Variants in CPSF1 observed in about 807,000 individuals in gnomAD.
The protein encoded by CPSF1 is cleavage and polyadenylation specific factor 1.
CPSF1 carries 106 observed loss-of-function variants against 175.8 expected under a neutral mutation model. That is an observed-to-expected ratio of 0.60 (90% confidence interval 0.52 to 0.71). The LOEUF is 0.71. Among genes scored for constraint, CPSF1 ranks in the 30% least tolerant of loss-of-function variants. The pLI is 0.00. For synonymous variants in CPSF1, 1,024 were observed against 858.3 expected (o/e 1.19, Z -3.37); for missense variants, 1,734 against 2,022.9 (o/e 0.86, Z 2.74).
intron 23 of CPSF1, 71 bp downstream of exon 23, chr8:144,397,136 G>C: frequency 2.1e-6 from 3 of 1,406,780 alleles, no homozygotes; most frequent in Non-Finnish European, 2.9e-6. Context: ...CACGGGAAGG[G>C]GCGGGGCTGT....
rs781982896 is a variant in CPSF1, at chr8:144,393,947, C to G, written c.3951G>C (p.Arg1317=). 3 of 1,613,556 alleles carry G rather than the reference C, an allele frequency of 1.9e-6. No homozygotes were observed. Among genetic ancestry groups the G allele is most frequent in the Non-Finnish European group, 2.5e-6 (3 of 1,179,900 alleles). Residue 1317 remains arginine (R), a synonymous_variant, in exon 35 of 38, where the codon CGG becomes CGC. Coordinates refer to ENST00000616140, the MANE Select transcript of CPSF1 (RefSeq NM_013291.3). ...HVNTFWRTPC[R]GATEGLSKKS... Reference sequence around the variant, plus strand: ...TTTTGCTGAGCCCTTCAGTGGCCCCCCGGCACGGGGTCCTCCAGAACGTGT... The same window carrying G: ...TTTTGCTGAGCCCTTCAGTGGCCCCGCGGCACGGGGTCCTCCAGAACGTGT...
At chr8:144,400,135 G>GGGGGGCCCCCCCCCC in intron 9 of CPSF1, 31 bp downstream of exon 9, 5 of 896,008 alleles carry the variant, frequency 5.6e-6, no homozygotes, top group Non-Finnish European at 8.0e-6. Flanking sequence ...CCGTCCCCGG[G>GGGGGGCCCCCCCCCC]CCCCCCCCGC....
At chr8:144,396,150 G>A in intron 26 of CPSF1, 198 bp downstream of exon 26, 2 of 619,970 alleles carry the variant, frequency 3.2e-6, no homozygotes. Flanking sequence ...TGCAGCCCCA[G>A]CTCCCAACCA....
Position 144,400,360 on chromosome 8 carries a change from GCTTGGGCA to G in CPSF1, c.812_819del (p.Val271AlafsTer90), listed in dbSNP as rs1312094421. The G allele has an allele frequency of 6.2e-7, 1 of 1,613,808 alleles. No individual in the cohort carries two copies. Among genetic ancestry groups the G allele is most frequent in the Non-Finnish European group, 8.5e-7 (1 of 1,179,976 alleles). ...CCACTCCCAGGACACACACCTATGG[GCTTGGGCA>G]CAGCCAGAGCCTGGGTGCAGTCAAA... On this transcript the variant is annotated frameshift_variant, in exon 8 of 38. Transcript: ENST00000616140. LOFTEE classifies it high-confidence loss of function.
chr8:144,394,457 G>A lies in CPSF1; in HGVS notation c.3666C>T (p.Ile1222=), dbSNP rs781944369. ...TGCTCTTCATGACGTCGGCTGCCAG[G>A]ATGAAGTTCTTGACGCTGATCATCT... The part of the protein sequence containing the change: ...IHQMISVKNF[I]LAADVMKSIS... Residue 1222 remains isoleucine, a synonymous_variant, in exon 32 of 38, where the codon ATC becomes ATT. Coordinates refer to ENST00000616140, the MANE Select transcript of CPSF1 (RefSeq NM_013291.3). 1.9e-6 allele frequency: 3 copies of A among 1,608,772 alleles called. No individual in the cohort carries two copies. Among genetic ancestry groups the A allele is most frequent in the Admixed American group, 3.4e-5 (2 of 59,216 alleles).
intron 2 of CPSF1, among the ~76,000 whole-genome samples, chr8:144,406,670 A>G (rs954415542): frequency 6.6e-6 from 1 of 152,170 alleles, no homozygotes; most frequent in Admixed American, 6.5e-5. Flanking sequence ...CCTGCTCTGC[A>G]CTGCTGCCTG....
chr8:144,394,091 AG>A, intron 34 of CPSF1, 21 bp downstream of exon 34: 2 of 1,611,634 alleles, frequency 1.2e-6, no homozygotes, highest in Admixed American at 1.7e-5. Context: ...GCCCAGGCAG[AG>A]GGGGTGGAGG....
chr8:144,397,879 G>A lies in CPSF1; in HGVS notation c.2074C>T (p.Gln692Ter). Reference protein sequence around the residue: ...LALHKPPLHHQSKVITLCLYR... With the variant: ...LALHKPPLHH ...AGGCACAGCGTAATCACCTTGGACT[G>A]CTGCGGGGAGAGGGGTGGGCTCAGC... The change falls in exon 21 of 38, where the codon CAG becomes TAG. Residue 692 changes from glutamine (Q) to a stop codon, truncating the protein, a stop_gained and splice_region_variant. Coordinates refer to ENST00000616140, the MANE Select transcript of CPSF1 (RefSeq NM_013291.3). LOFTEE classifies it high-confidence loss of function. 1 of 1,605,456 alleles carries A rather than the reference G, an allele frequency of 6.2e-7. No homozygotes were observed. The highest frequency in any genetic ancestry group is 1.1e-5 in the South Asian group (1 of 90,988).
At chr8:144,400,135 G>GGGGGCCCCCCCCCCCCCCCCCCC in intron 9 of CPSF1, 31 bp downstream of exon 9, 30 of 895,970 alleles carry the variant, frequency 3.3e-5, no homozygotes, top group South Asian at 6.5e-5. Context: ...CCGTCCCCGG[G>GGGGGCCCCCCCCCCCCCCCCCCC]CCCCCCCCGC....
rs782682074 is a variant in CPSF1 at position 144,393,668 on chromosome 8, G to A, written c.4144C>T (p.Arg1382Trp). The change falls in exon 36 of 38, where the codon CGG (arginine) becomes TGG (tryptophan). Residue 1382 changes from arginine (R) to tryptophan (W), a missense_variant and splice_region_variant. This residue lies in a region of CPSF1 where 323 missense variants were observed against 338.5 expected (regional missense o/e 0.95). Coordinates refer to ENST00000616140, the MANE Select transcript of CPSF1 (RefSeq NM_013291.3). ...CACGGGGGCGGGGCCGGGGCTCACC[G>A]GAAGGCGCGGGGGTTGAGGCCGGCG... ...HHAGLNPRAF[R>W]MLHVDRRTLQ... 5.0e-5 allele frequency: 78 copies of A among 1,563,726 alleles called. No individual in the cohort carries two copies. The highest frequency in any genetic ancestry group is 5.9e-5 in the Non-Finnish European group (68 of 1,161,480).
intron 2 of CPSF1, among the ~76,000 whole-genome samples, chr8:144,402,318 T>C (rs1821261246): frequency 6.6e-6 from 1 of 152,192 alleles, no homozygotes; most frequent in South Asian, 2.1e-4. Context: ...TTTTTGTTTT[T>C]TGTTTTTGAG....
chr8:144,402,325 T>A (rs1821261724), intron 2 of CPSF1, among the ~76,000 whole-genome samples: 1 of 152,166 alleles, frequency 6.6e-6, no homozygotes. Flanking sequence ...TTTTTGTTTT[T>A]GAGACGGAGT....
Position 144,397,525 on chromosome 8 carries a change from G to A in CPSF1, c.2347C>T (p.His783Tyr), listed in dbSNP as rs1820846342. 1 of 1,580,678 alleles carries A rather than the reference G, an allele frequency of 6.3e-7. No individual in the cohort carries two copies. The highest frequency in any genetic ancestry group is 8.6e-7 in the Non-Finnish European group (1 of 1,157,912). Residue 783 changes from histidine to tyrosine, a missense_variant, in exon 22 of 38, where the codon CAC becomes TAC. By Grantham distance (83) the His-to-Tyr change is moderately conservative. This residue lies in a region of CPSF1 where 585 missense variants were observed against 584.7 expected (regional missense o/e 1.00). Transcript: ENST00000616140. The part of the protein sequence containing the change: ...DPAPFRAEPT[H>Y]WCLLVRENGT... The stretch of plus-strand genomic sequence containing the variant: ...TTCTCCCGCACCAGCAGGCACCAGT[G>A]GGTAGGCTCTGCCCGGAAGGGTGCA...
rs2116862355 is a variant in CPSF1 at position 144,399,413 on chromosome 8, C to A, written c.1294+39G>T. ...CCCACTTGAGCGCAGCCCTGGGTCACCTGGCCCCGCTCCTGACCAGCCCTG... is the reference window on the plus strand; with the variant it reads ...CCCACTTGAGCGCAGCCCTGGGTCAACTGGCCCCGCTCCTGACCAGCCCTG... On this transcript the variant is annotated intron_variant, in intron 13 of 37. Transcript: ENST00000616140. The surrounding 1 kb of genome is among the most constrained non-coding windows in gnomAD (Gnocchi z 6.4). The A allele has an allele frequency of 1.3e-5, 21 of 1,612,828 alleles. No homozygotes were observed. Among genetic ancestry groups the A allele is most frequent in the East Asian group, 8.9e-5 (4 of 44,886 alleles).
chr8:144,401,495 T>A lies in CPSF1; in HGVS notation c.241A>T (p.Met81Leu), dbSNP rs2116884971. The A allele has an allele frequency of 6.2e-7, 1 of 1,614,018 alleles. No homozygotes were observed. Among genetic ancestry groups the A allele is most frequent in the South Asian group, 1.1e-5 (1 of 91,082 alleles). Reference sequence around the variant, plus strand: ...GCTCCTGCCAGCTGCACGCTGGCCATGGACATGACGTTGCCAAAGAAGGAG... The same window carrying A: ...GCTCCTGCCAGCTGCACGCTGGCCAAGGACATGACGTTGCCAAAGAAGGAG... ...SFSFFGNVMS[M>L]ASVQLAGAKR... Residue 81 changes from methionine to leucine, a missense_variant, in exon 4 of 38, where the codon ATG becomes TTG. By Grantham distance (15) the Met-to-Leu change is conservative. Transcript: ENST00000616140.
chr8:144,395,431 A>G lies in CPSF1; in HGVS notation c.3096+4T>C, dbSNP rs1554863390. The G allele has an allele frequency of 6.2e-7, 1 of 1,612,924 alleles. No individual in the cohort carries two copies. The highest frequency in any genetic ancestry group is 1.7e-5 in the Admixed American group (1 of 60,016). On this transcript the variant is annotated splice_donor_region_variant and intron_variant, in intron 27 of 37. Coordinates refer to ENST00000616140, the MANE Select transcript of CPSF1 (RefSeq NM_013291.3). The stretch of plus-strand genomic sequence containing the variant: ...TCCCTGGTGGGGTGGGGGTGGGGGC[A>G]GACCTTAGACTCCACGTGGTAAGCC...
chr8:144,400,135 G>GGGGCCCCCCCCCCCCC (rs1821085595), intron 9 of CPSF1, 31 bp downstream of exon 9: 49 of 896,634 alleles, frequency 5.5e-5, no homozygotes, highest in Non-Finnish European at 7.6e-5. Flanking sequence ...CCGTCCCCGG[G>GGGGCCCCCCCCCCCCC]CCCCCCCCGC....
intron 17 of CPSF1, 57 bp downstream of exon 17, chr8:144,398,720 CTA>C (rs1554865130): frequency 6.3e-7 from 1 of 1,596,414 alleles, no homozygotes; most frequent in African/African-American, 1.3e-5. Context: ...CACCCCCGGC[CTA>C]TGAGAAGGCA....
chr8:144,401,560 C>T lies in CPSF1; in HGVS notation c.176G>A (p.Gly59Glu), dbSNP rs2116885688. Residue 59 changes from glycine (G) to glutamate (E), a missense_variant, in exon 4 of 38, where the codon GGG (glycine) becomes GAG (glutamate). Gly to Glu is a moderately conservative substitution (Grantham distance 98, BLOSUM62 -2). Coordinates refer to ENST00000616140, the MANE Select transcript of CPSF1 (RefSeq NM_013291.3). ...CTCGAGCTTCTCCCGGTGGGCCTTC[C>T]CCTCTAGGGGAGACACCAGGGCTCA... ...ALTKNDRSTE[G>E]KAHREKLELA... is the part of the protein sequence containing the mutation. 6.2e-7 allele frequency: 1 copy of T among 1,613,638 alleles called. No individual in the cohort carries two copies. Among genetic ancestry groups the T allele is most frequent in the Admixed American group, 1.7e-5 (1 of 59,968 alleles).
Sources: gnomAD v4.1 joint callset for allele counts (sites outside exome capture counted in the v4.1 genomes callset) on GRCh38, gnomAD v4.1.1 for gene constraint, gnomAD v4.1.1 regional missense constraint, Gnocchi (gnomAD v3.1) non-coding constraint, MANE v1.5 for transcripts, NCBI Gene and HGNC (gene_info 2026-07-23, HGNC 2026-07-21) for gene names.